Variants in TUFT1 observed in about 807,000 individuals in gnomAD.
TUFT1 encodes tuftelin 1.
TUFT1 carries 43 observed loss-of-function variants against 57.8 expected under a neutral mutation model. The ratio of observed to expected loss-of-function variants is 0.74; its 90% CI spans 0.58 to 0.96. The LOEUF is 0.96. Among genes scored for constraint, TUFT1 ranks in the 40% least tolerant of loss-of-function variants. The pLI is 0.00. For missense variants in TUFT1, 459 were observed against 489.0 expected (o/e 0.94, Z 0.58); for synonymous variants, 166 against 176.7 (o/e 0.94, Z 0.48).
chr1:151,563,958 C>T lies in TUFT1; in HGVS notation c.292C>T (p.Gln98Ter). The change falls in exon 4 of 13, where the codon CAG becomes TAG. Residue 98 changes from glutamine to a stop codon, truncating the protein, a stop_gained. Coordinates refer to ENST00000368849, the MANE Select transcript of TUFT1 (RefSeq NM_020127.3). LOFTEE classifies it high-confidence loss of function. ...GATGATTCACGAGAAGAATATTAAC[C>T]AGCTGAAGAGTGAGGTCCAGTACAT... ...DKMIHEKNIN[Q>*]LKSEVQYIQE... 1 of 1,614,134 alleles carries T rather than the reference C, an allele frequency of 6.2e-7. No homozygotes were observed. Among genetic ancestry groups the T allele is most frequent in the Non-Finnish European group, 8.5e-7 (1 of 1,180,016 alleles).
chr1:151,556,289 T>C (rs1409205956), intron 1 of TUFT1, among the ~76,000 whole-genome samples: 2 of 152,096 alleles, frequency 1.3e-5, no homozygotes, highest in East Asian at 3.9e-4. Context: ...CTGTTACAAA[T>C]AAAGCTGCTT....
intron 1 of TUFT1, among the ~76,000 whole-genome samples, chr1:151,561,086 C>T (rs981556922): frequency 4.6e-5 from 7 of 151,950 alleles, no homozygotes; most frequent in Non-Finnish European, 8.8e-5. Flanking sequence ...CTCCGCCTCC[C>T]GGGTTCACGC....
chr1:151,581,655 C>A lies in TUFT1; in HGVS notation c.1121C>A (p.Ser374Tyr). 6.2e-7 allele frequency: 1 copy of A among 1,614,164 alleles called. No individual in the cohort carries two copies. Among genetic ancestry groups the A allele is most frequent in the Non-Finnish European group, 8.5e-7 (1 of 1,180,028 alleles). The change falls in exon 13 of 13, where the codon TCC (serine) becomes TAC (tyrosine). Residue 374 changes from serine (S) to tyrosine (Y), a missense_variant. Ser to Tyr is a moderately radical substitution (Grantham distance 144). Transcript: ENST00000368849. ...AACCTTCTTTTCAGTATTAGGATAT[C>A]CAAGCCGCCTAGCCCGAAGCCCATG... ...KTENPGSIRISKPPSPKPMPV... is the reference protein window; with the variant it reads ...KTENPGSIRIYKPPSPKPMPV...
rs1359342320 is a variant in TUFT1, at chr1:151,582,315, G to A, written c.*608G>A. The A allele has an allele frequency of 3.2e-5, 14 of 432,288 alleles. No individual in the cohort carries two copies. Among genetic ancestry groups the A allele is most frequent in the Non-Finnish European group, 6.0e-5 (13 of 215,100 alleles). 26.8% of individuals were successfully genotyped at this position (432,288 alleles called of 1,614,324 possible). A position where few individuals can be genotyped will look rare whatever the true frequency, so the allele number is the denominator to read the frequency against. ...CTGGGTGGCCTTGTCTTTCTGGGGA[G>A]GAGGGAATGTACATTCAGGGAGTAG... is the stretch of plus-strand genomic sequence containing the variant. On this transcript the variant is annotated 3_prime_UTR_variant, in exon 13 of 13. Coordinates refer to ENST00000368849, the MANE Select transcript of TUFT1 (RefSeq NM_020127.3).
intron 2 of TUFT1, 33 bp from the exon 3 acceptor site, chr1:151,562,552 C>G: frequency 1.9e-6 from 3 of 1,554,012 alleles, no homozygotes; most frequent in Non-Finnish European, 2.7e-6. Context: ...CCATCTCTCT[C>G]TCTCTCTCTC....
chr1:151,565,576 A>G (rs1400112507), intron 5 of TUFT1, among the ~76,000 whole-genome samples: 1 of 152,246 alleles, frequency 6.6e-6, no homozygotes, highest in Admixed American at 6.5e-5. Flanking sequence ...TTTGTCAGGT[A>G]TCAGAAGAAC....
intron 1 of TUFT1, among the ~76,000 whole-genome samples, chr1:151,551,975 A>G (rs1344316177): frequency 2.6e-5 from 4 of 152,204 alleles, no homozygotes; most frequent in Non-Finnish European, 5.9e-5. Context: ...CATTACGGGC[A>G]CTGCAGAAGC....
chr1:151,542,189 T>G (rs1000009981), intron 1 of TUFT1, among the ~76,000 whole-genome samples: 2 of 152,108 alleles, frequency 1.3e-5, no homozygotes, highest in African/African-American at 4.8e-5. Context: ...CTCTACTATT[T>G]TTTTTCTTTC....
intron 6 of TUFT1, among the ~76,000 whole-genome samples, chr1:151,568,972 A>G (rs922966349): frequency 6.6e-6 from 1 of 152,144 alleles, no homozygotes; most frequent in South Asian, 2.1e-4. Flanking sequence ...GTCTTCCTCC[A>G]GTGTCTGGTG....
chr1:151,548,564 G>A (rs1207414363), intron 1 of TUFT1, among the ~76,000 whole-genome samples: 2 of 152,134 alleles, frequency 1.3e-5, no homozygotes, highest in East Asian at 1.9e-4. Context: ...GCCTCCCAAA[G>A]TGCTGGGATT....
chr1:151,575,271 A>G (rs1223101136), intron 9 of TUFT1, among the ~76,000 whole-genome samples: 1 of 152,234 alleles, frequency 6.6e-6, no homozygotes, highest in Non-Finnish European at 1.5e-5. Flanking sequence ...GCCAAGGGCA[A>G]GCAAGAGCTG....
chr1:151,547,698 G>A (rs985049571), intron 1 of TUFT1, among the ~76,000 whole-genome samples: 2 of 152,304 alleles, frequency 1.3e-5, no homozygotes, highest in East Asian at 1.9e-4. Context: ...TGCAGAGGGG[G>A]CACTGAGGAA....
intron 1 of TUFT1, among the ~76,000 whole-genome samples, chr1:151,542,020 C>G (rs951628770): frequency 6.6e-6 from 1 of 152,046 alleles, no homozygotes; most frequent in Non-Finnish European, 1.5e-5. Context: ...CTCTTCCATG[C>G]TCTTGCTCTC....
At chr1:151,555,063 C>G (rs1665640514) in intron 1 of TUFT1, among the ~76,000 whole-genome samples, 1 of 149,522 alleles carries the variant, frequency 6.7e-6, no homozygotes, top group Non-Finnish European at 1.5e-5. Flanking sequence ...CATGGTGGCT[C>G]ACTCCTGTAA....
rs199785982 is a variant in TUFT1 at position 151,562,586 on chromosome 1, C to T, written c.137C>T (p.Ala46Val). The T allele has an allele frequency of 3.4e-5, 54 of 1,611,144 alleles. No individual in the cohort carries two copies. The highest frequency in any genetic ancestry group is 8.9e-5 in the East Asian group (4 of 44,874). The change falls in exon 3 of 13, where the codon GCG becomes GTG. Residue 46 changes from alanine to valine, a missense_variant and splice_region_variant. Transcript: ENST00000368849. ...GDELEHIAQK[A>V]GRKTYAMVSS... ...TCTCTCTCATCTCTCTTTGGCCAGG[C>T]GGGCAGGAAGACCTATGCCATGGTG...
intron 1 of TUFT1, chr1:151,545,790 G>A (rs760105739): frequency 1.9e-6 from 1 of 530,064 alleles, no homozygotes. Flanking sequence ...TAGACCCAGG[G>A]TGAAGACCTG....
intron 1 of TUFT1, among the ~76,000 whole-genome samples, chr1:151,547,444 T>TA (rs1038745372): frequency 2.0e-5 from 3 of 152,318 alleles, no homozygotes; most frequent in Non-Finnish European, 2.9e-5. Flanking sequence ...GCTTGTGAAA[T>TA]ACCTTTGTTT....
intron 4 of TUFT1, among the ~76,000 whole-genome samples, chr1:151,564,230 C>T (rs148107661): frequency 6.6e-6 from 1 of 152,246 alleles, no homozygotes; most frequent in East Asian, 1.9e-4. Context: ...CGAAAATTAC[C>T]AGCCACTTTT....
intron 1 of TUFT1, among the ~76,000 whole-genome samples, chr1:151,553,238 C>G (rs1044786907): frequency 2.6e-5 from 4 of 152,080 alleles, no homozygotes; most frequent in African/African-American, 9.7e-5. Flanking sequence ...ACTACAGGCA[C>G]CTGACACCAC....
Sources: gnomAD v4.1 joint callset for allele counts (sites outside exome capture counted in the v4.1 genomes callset) on GRCh38, gnomAD v4.1.1 for gene constraint, MANE v1.5 for transcripts, NCBI Gene and HGNC (gene_info 2026-07-23, HGNC 2026-07-21) for gene names.